CLIP2: variants seen among roughly 807,000 people sequenced by gnomAD.
CLIP2 encodes the protein CAP-Gly domain containing linker protein 2.
In CLIP2, 41 loss-of-function variants were observed where a neutral mutation model predicts 111.7. That is an observed-to-expected ratio of 0.37 (90% CI 0.29 to 0.48). The LOEUF (loss-of-function observed/expected upper bound fraction) is 0.48. Among genes scored for constraint, CLIP2 ranks in the 20% least tolerant of loss-of-function variants. CLIP2 has a pLI of 0.99. For synonymous variants in CLIP2, 660 were observed against 644.2 expected, an observed-to-expected ratio of 1.02 and a Z score of -0.37; for missense variants, 1,160 against 1,422.1, an observed-to-expected ratio of 0.82 and a Z score of 2.96.
chr7:74,318,238 G>A (rs1554729474), intron 2 of CLIP2, among the ~76,000 whole-genome samples: 1 of 152,120 alleles, frequency 6.6e-6, no homozygotes, highest in African/African-American at 2.4e-5. Flanking sequence ...GTACAGAAGA[G>A]GGAGAGAGCG....
chr7:74,380,322 T>C (rs1192541647), intron 10 of CLIP2: 2 of 152,242 alleles, frequency 1.3e-5, no homozygotes, highest in Admixed American at 1.3e-4. Flanking sequence ...AAAGAAATGT[T>C]GGAGAGAAAG....
chr7:74,320,354 C>T (rs1391575176), intron 2 of CLIP2, among the ~76,000 whole-genome samples: 1 of 152,032 alleles, frequency 6.6e-6, no homozygotes, highest in African/African-American at 2.4e-5. Flanking sequence ...AGCAAGACCT[C>T]TCATCTCTAC....
intron 2 of CLIP2, among the ~76,000 whole-genome samples, chr7:74,333,854 T>G (rs797042904): frequency 6.6e-5 from 10 of 152,168 alleles, no homozygotes; most frequent in African/African-American, 2.4e-4. Context: ...TTCGCGGGGG[T>G]TTGCTGGGGA....
At chr7:74,354,476 A>G (rs1790095151) in intron 4 of CLIP2, among the ~76,000 whole-genome samples, 1 of 152,126 alleles carries the variant, frequency 6.6e-6, no homozygotes, top group South Asian at 2.1e-4. Context: ...TTAACTGGGC[A>G]TGGTGACACA....
intron 12 of CLIP2, 124 bp downstream of exon 12, chr7:74,386,728 G>A: frequency 1.5e-6 from 1 of 657,558 alleles, no homozygotes; most frequent in Non-Finnish European, 2.4e-6. Flanking sequence ...TCTGCTTTGA[G>A]AAGAAAAGGG....
chr7:74,339,084 CCCTGGG>C, intron 3 of CLIP2, 80 bp downstream of exon 3: 2 of 1,414,888 alleles, frequency 1.4e-6, no homozygotes, highest in Non-Finnish European at 1.9e-6. Flanking sequence ...AGCTGGACCC[CCCTGGG>C]CTGGGCAGGG....
intron 1 of CLIP2, among the ~76,000 whole-genome samples, chr7:74,305,809 GCTTCCATCTCAGCAGC>G (rs1236828189): frequency 6.8e-6 from 1 of 147,094 alleles, no homozygotes; most frequent in East Asian, 2.0e-4. Flanking sequence ...TTAGGGATCT[GCTTCCATCTCAGCAGC>G]CCCCAGCTGG....
At chr7:74,399,783 G>T (rs1232013709) in intron 14 of CLIP2, among the ~76,000 whole-genome samples, 2 of 151,774 alleles carry the variant, frequency 1.3e-5, no homozygotes, top group Non-Finnish European at 2.9e-5. Context: ...CAGGTGATCT[G>T]CCTGCCTCGG....
intron 1 of CLIP2, among the ~76,000 whole-genome samples, chr7:74,306,422 G>A (rs1788489333): frequency 6.6e-6 from 1 of 152,184 alleles, no homozygotes; most frequent in Non-Finnish European, 1.5e-5. Flanking sequence ...CCCTCCGGGA[G>A]AGAGCCACGT....
rs746189480 is a variant in CLIP2, at chr7:74,305,867, C to A, written c.-67-11613C>A. On this transcript the variant is annotated intron_variant, in intron 1 of 16. Transcript: ENST00000223398. ...TCCCTGCACCCCAACCCCCCCCCAC[C>A]GCCCCTGCTGCCAGTTCACCATCAT... is the stretch of plus-strand genomic sequence containing the variant. Among the ~76,000 whole-genome samples, 11 of 125,212 alleles carry A rather than the reference C, an allele frequency of 8.8e-5. 2 individuals are homozygous for A. The highest frequency in any genetic ancestry group is 2.8e-4 in the African/African-American group (8 of 29,078). The allele number at this position is 125,212 out of a possible 152,430, so 82.1% of individuals were successfully genotyped here.
intron 2 of CLIP2, among the ~76,000 whole-genome samples, chr7:74,327,883 G>A (rs1564041409): frequency 1.3e-5 from 2 of 152,300 alleles, no homozygotes; most frequent in Admixed American, 6.5e-5. Flanking sequence ...TAAGCCATCC[G>A]GGCCGCTCTT....
intron 1 of CLIP2, among the ~76,000 whole-genome samples, chr7:74,312,948 A>C (rs184587442): frequency 9.9e-5 from 15 of 151,766 alleles, no homozygotes; most frequent in Non-Finnish European, 1.5e-5. Flanking sequence ...TGACGCGAGC[A>C]TTGTGGGTTG....
intron 12 of CLIP2, among the ~76,000 whole-genome samples, chr7:74,387,631 C>T (rs1791151862): frequency 6.6e-6 from 1 of 152,222 alleles, no homozygotes; most frequent in African/African-American, 2.4e-5. Context: ...GGTTGCCAAC[C>T]TGTCTTCTGT....
intron 3 of CLIP2, among the ~76,000 whole-genome samples, chr7:74,352,275 A>C (rs991337254): frequency 2.6e-5 from 4 of 152,066 alleles, no homozygotes; most frequent in Non-Finnish European, 5.9e-5. Flanking sequence ...TCTTTACTAA[A>C]AATACAAAAA....
intron 3 of CLIP2, among the ~76,000 whole-genome samples, chr7:74,341,128 G>GATGTGA (rs1562697939): frequency 3.3e-5 from 5 of 151,906 alleles, no homozygotes; most frequent in Admixed American, 1.3e-4. Context: ...CTGCGATGTG[G>GATGTGA]TTTTATCATC....
rs2116716475 is a variant in CLIP2, at chr7:74,401,500, T to C, written c.3067-5T>C. 2 of 1,613,934 alleles carry C rather than the reference T, an allele frequency of 1.2e-6. No individual in the cohort carries two copies. Among genetic ancestry groups the C allele is most frequent in the South Asian group, 2.2e-5 (2 of 91,042 alleles). The stretch of plus-strand genomic sequence containing the variant: ...CTGGCTCAGTGTCTCCCCTAACTCT[T>C]CCAGACCATCGGCAATTCCGGTTCT... On this transcript the variant is annotated splice_region_variant and splice_polypyrimidine_tract_variant and intron_variant, in intron 15 of 16. Transcript: ENST00000223398.
intron 1 of CLIP2, among the ~76,000 whole-genome samples, chr7:74,301,668 A>G (rs1554726892): frequency 1.3e-5 from 2 of 151,536 alleles, no homozygotes; most frequent in East Asian, 1.9e-4. Flanking sequence ...TTGGGATTAC[A>G]GGCGTGAGCC....
At chr7:74,351,207 A>C (rs1554307478) in intron 3 of CLIP2, among the ~76,000 whole-genome samples, 1 of 152,094 alleles carries the variant, frequency 6.6e-6, no homozygotes, top group East Asian at 1.9e-4. Flanking sequence ...CTATAATCTG[A>C]GGCAAGCACT....
At chr7:74,303,308 G>T (rs953577859) in intron 1 of CLIP2, among the ~76,000 whole-genome samples, 1 of 152,202 alleles carries the variant, frequency 6.6e-6, no homozygotes, top group Non-Finnish European at 1.5e-5. Context: ...AGTGGGGTCC[G>T]TGGAGCAGGT....
Sources: allele counts gnomAD v4.1 joint callset (sites outside exome capture counted in the v4.1 genomes callset), GRCh38; gene constraint gnomAD v4.1.1; transcripts MANE v1.5; gene names NCBI Gene and HGNC (gene_info 2026-07-23, HGNC 2026-07-21).